TTC39B: variants seen among roughly 807,000 people sequenced by gnomAD.
TTC39B encodes the protein tetratricopeptide repeat domain 39B.
Under a neutral mutation model 96.6 loss-of-function variants are expected in TTC39B, and 92 were observed. The observed-to-expected ratio is 0.95, with a 90% CI of 0.80 to 1.13. The LOEUF (loss-of-function observed/expected upper bound fraction) is 1.13. Among genes scored for constraint, TTC39B ranks in the 50% most tolerant of loss-of-function variants. The probability of loss-of-function intolerance (pLI) is 0.00; values close to 1 mark genes in which losing one functional copy is unlikely to be tolerated. For missense variants in TTC39B, 955 were observed against 809.3 expected, an observed-to-expected ratio of 1.18 and a Z score of -2.18; for synonymous variants, 367 against 299.4, an observed-to-expected ratio of 1.23 and a Z score of -2.33.
At chr9:15,246,113 C>T (rs1486591393) in intron 2 of TTC39B, among the ~76,000 whole-genome samples, 1 of 152,080 alleles carries the variant, frequency 6.6e-6, no homozygotes, top group Non-Finnish European at 1.5e-5. Flanking sequence ...ATTAGCTGGG[C>T]GTGGTGGCAC....
chr9:15,172,000 T>G, exon 20 of TTC39B: 1 of 1,594,236 alleles, frequency 6.3e-7, no homozygotes, highest in Non-Finnish European at 8.6e-7. Flanking sequence ...GAGGAAAAAT[T>G]CCATCCTTCA....
intron 2 of TTC39B, among the ~76,000 whole-genome samples, chr9:15,255,405 G>A (rs548767964): frequency 6.6e-6 from 1 of 152,070 alleles, no homozygotes; most frequent in East Asian, 1.9e-4. Flanking sequence ...GGGGGAAAGA[G>A]GGAAGAAGGA....
At chr9:15,284,966 A>C (rs983615980) in intron 1 of TTC39B, among the ~76,000 whole-genome samples, 1 of 152,246 alleles carries the variant, frequency 6.6e-6, no homozygotes, top group Non-Finnish European at 1.5e-5. Flanking sequence ...TTGTTTTATA[A>C]CTAAGATCCT....
rs1164993710 is a variant in TTC39B at position 15,306,133 on chromosome 9, C to A, written c.240+951G>T. Among the ~76,000 whole-genome samples, 1 of 152,184 alleles carries A rather than the reference C, an allele frequency of 6.6e-6. No individual in the cohort carries two copies. The highest frequency in any genetic ancestry group is 6.5e-5 in the Admixed American group (1 of 15,280). ...TCGTCCACTATTGCATCATTTGAAACCAAAGCCTTCTAAAGGCAGCGACTC... is the reference window on the plus strand; with the variant it reads ...TCGTCCACTATTGCATCATTTGAAAACAAAGCCTTCTAAAGGCAGCGACTC... On this transcript the variant is annotated intron_variant, in intron 1 of 19. Coordinates refer to ENST00000512701, the Ensembl canonical transcript of TTC39B. The surrounding 1 kb of genome is among the most constrained non-coding windows in gnomAD (Gnocchi z 5.1).
rs140423028 is a variant in TTC39B, at chr9:15,227,856, C to A, written c.276-1844G>T. Among the ~76,000 whole-genome samples, 74 of 152,204 alleles carry A rather than the reference C, an allele frequency of 4.9e-4. 1 individual carries two copies. Among genetic ancestry groups the A allele is most frequent in the African/African-American group, 1.3e-3 (54 of 41,526 alleles). On this transcript the variant is annotated intron_variant, in intron 2 of 19. Coordinates refer to ENST00000512701, the Ensembl canonical transcript of TTC39B. ...CCCAATATTGAAATTTTTACTTAGTCGTAACTATCACCCTTTTCTTTAACA... is the reference window on the plus strand; with the variant it reads ...CCCAATATTGAAATTTTTACTTAGTAGTAACTATCACCCTTTTCTTTAACA...
intron 3 of TTC39B, among the ~76,000 whole-genome samples, chr9:15,216,548 C>A (rs952867683): frequency 6.6e-6 from 1 of 152,174 alleles, no homozygotes; most frequent in Admixed American, 6.5e-5. Flanking sequence ...TTGCCTGACA[C>A]CTCCTATAAC....
At chr9:15,217,961 G>C (rs570429545) in intron 3 of TTC39B, among the ~76,000 whole-genome samples, 1 of 152,024 alleles carries the variant, frequency 6.6e-6, no homozygotes, top group Admixed American at 6.5e-5. Flanking sequence ...TGTAATCCCA[G>C]CACTTTGGGA....
Position 15,226,023 on chromosome 9 carries a change from A to G in TTC39B, c.276-11T>C. On this transcript the variant is annotated splice_polypyrimidine_tract_variant and intron_variant, in intron 2 of 19. Coordinates refer to ENST00000512701, the Ensembl canonical transcript of TTC39B. Reference sequence around the variant, plus strand: ...TCTGAGTGAGAAGATCTGTTAATTAAAAAGGCAGAGCAAGGTTTTTTATTT... The same window carrying G: ...TCTGAGTGAGAAGATCTGTTAATTAGAAAGGCAGAGCAAGGTTTTTTATTT... The G allele has an allele frequency of 6.2e-7, 1 of 1,612,194 alleles. No individual in the cohort carries two copies. Among genetic ancestry groups the G allele is most frequent in the Non-Finnish European group, 8.5e-7 (1 of 1,178,602 alleles).
At chr9:15,188,076 G>A in exon 14 of TTC39B, 4 of 1,610,500 alleles carry the variant, frequency 2.5e-6, no homozygotes, top group Non-Finnish European at 3.4e-6. Context: ...AGCAGAGATG[G>A]TGAAACTGTT....
intron 2 of TTC39B, among the ~76,000 whole-genome samples, chr9:15,226,794 C>A (rs1287445768): frequency 1.3e-5 from 2 of 152,078 alleles, no homozygotes; most frequent in Admixed American, 6.6e-5. Flanking sequence ...GGGGCAGGTC[C>A]ACTCAGAGAA....
chr9:15,174,009 G>C (rs775794860), intron 19 of TTC39B, among the ~76,000 whole-genome samples: 1 of 152,112 alleles, frequency 6.6e-6, no homozygotes, highest in Non-Finnish European at 1.5e-5. Flanking sequence ...TCCCTACCTA[G>C]TTGGTTGATT....
chr9:15,305,793 A>G (rs1824735846), intron 1 of TTC39B, among the ~76,000 whole-genome samples: 3 of 151,434 alleles, frequency 2.0e-5, no homozygotes, highest in Admixed American at 1.3e-4. Flanking sequence ...CCCAGTGTTA[A>G]TTAATAATAG....
intron 2 of TTC39B, among the ~76,000 whole-genome samples, chr9:15,265,609 T>C (rs545047547): frequency 6.6e-6 from 1 of 152,174 alleles, no homozygotes; most frequent in Non-Finnish European, 1.5e-5. Flanking sequence ...AAAAATCACA[T>C]AAACAGATTA....
At chr9:15,285,954 T>C (rs540084567) in intron 1 of TTC39B, among the ~76,000 whole-genome samples, 2 of 152,302 alleles carry the variant, frequency 1.3e-5, no homozygotes, top group East Asian at 3.9e-4. Context: ...TTTCTCACCC[T>C]CTCCACCTCC....
chr9:15,277,604 C>A (rs912828245), intron 1 of TTC39B, among the ~76,000 whole-genome samples: 8 of 152,118 alleles, frequency 5.3e-5, no homozygotes, highest in Non-Finnish European at 8.8e-5. Flanking sequence ...TTGGAAGACA[C>A]AGTGAGACCT....
At chr9:15,257,092 T>A (rs1044292925) in intron 2 of TTC39B, among the ~76,000 whole-genome samples, 2 of 152,226 alleles carry the variant, frequency 1.3e-5, no homozygotes, top group African/African-American at 2.4e-5. Flanking sequence ...GTTTTAGGTG[T>A]GACAACAGTC....
intron 2 of TTC39B, among the ~76,000 whole-genome samples, chr9:15,244,054 C>T (rs1196235826): frequency 6.6e-6 from 1 of 152,196 alleles, no homozygotes; most frequent in African/African-American, 2.4e-5. Flanking sequence ...AGAACCAGAG[C>T]CTGTATCTTT....
intron 2 of TTC39B, among the ~76,000 whole-genome samples, chr9:15,255,110 T>C (rs1822705810): frequency 6.6e-6 from 1 of 152,100 alleles, no homozygotes; most frequent in Non-Finnish European, 1.5e-5. Context: ...CTGGTATGAA[T>C]ATTTTCATTC....
rs781520159 is a variant in TTC39B at position 15,199,842 on chromosome 9, A to G, written c.824+19T>C. The G allele has an allele frequency of 5.6e-6, 8 of 1,431,658 alleles. No homozygotes were observed. The highest frequency in any genetic ancestry group is 2.9e-6 in the Non-Finnish European group (3 of 1,027,700). 88.7% of individuals were successfully genotyped at this position (1,431,658 alleles called of 1,614,324 possible). A position where few individuals can be genotyped will look rare whatever the true frequency, so the allele number is the denominator to read the frequency against. On this transcript the variant is annotated intron_variant, in intron 8 of 19. Coordinates refer to ENST00000512701, the Ensembl canonical transcript of TTC39B. ...CAGCACAAAATTATTTACAAACCAC[A>G]TCTTACTTTTTAACTTACTTATATA...
Sources: gnomAD v4.1 joint callset for allele counts (sites outside exome capture counted in the v4.1 genomes callset) on GRCh38, gnomAD v4.1.1 for gene constraint, Gnocchi (gnomAD v3.1) non-coding constraint, MANE v1.5 for transcripts, NCBI Gene and HGNC (gene_info 2026-07-23, HGNC 2026-07-21) for gene names.